SLIT3: variants seen among roughly 807,000 people sequenced by gnomAD.
The protein encoded by SLIT3 is slit homolog 3 protein.
Under a neutral mutation model 184.0 loss-of-function variants are expected in SLIT3, and 68 were observed. The observed-to-expected ratio is 0.37, with a 90% confidence interval of 0.30 to 0.45. The LOEUF (loss-of-function observed/expected upper bound fraction) is 0.45. SLIT3 is among the 20% of genes least tolerant of loss of function. SLIT3 has a pLI of 1.00. For missense variants in SLIT3, 1,707 were observed against 2,026.0 expected (o/e 0.84, Z 3.02); for synonymous variants, 831 against 828.6 (o/e 1.00, Z -0.05).
chr5:168,837,885 G>T lies in SLIT3; in HGVS notation c.557+6699C>A, dbSNP rs111794614. ...AAGGAAATGAACTCCAAACCACCTA[G>T]TCTGGTAAAGATGAGCTGGAAGCTG... On this transcript the variant is annotated intron_variant, in intron 6 of 35. Coordinates refer to ENST00000519560, the MANE Select transcript of SLIT3 (RefSeq NM_003062.4). 1.5e-3 allele frequency among the ~76,000 whole-genome samples: 225 copies of T among 152,328 alleles called. 4 individuals carry two copies. The highest frequency in any genetic ancestry group is 5.1e-3 in the African/African-American group (214 of 41,564).
chr5:169,229,642 T>TTCTCTCTCTCTCTCTCTC (rs60056409), intron 3 of SLIT3, among the ~76,000 whole-genome samples: 9 of 148,224 alleles, frequency 6.1e-5, no homozygotes, highest in Admixed American at 1.3e-4. Context: ...AAATAAATTC[T>TTCTCTCTCTCTCTCTCTC]TCTCTCTCTC....
At chr5:169,108,259 T>C (rs530830407) in intron 4 of SLIT3, among the ~76,000 whole-genome samples, 1 of 152,328 alleles carries the variant, frequency 6.6e-6, no homozygotes, top group South Asian at 2.1e-4. Flanking sequence ...GAGAAGAGTC[T>C]TCAGGGTCAA....
chr5:169,198,516 G>A, intron 3 of SLIT3, among the ~76,000 whole-genome samples: 1 of 152,188 alleles, frequency 6.6e-6, no homozygotes, highest in East Asian at 1.9e-4. Flanking sequence ...CAACTAGGCA[G>A]CAGTCATACC....
intron 4 of SLIT3, among the ~76,000 whole-genome samples, chr5:168,925,424 C>A (rs916539716): frequency 6.6e-6 from 1 of 152,156 alleles, no homozygotes; most frequent in African/African-American, 2.4e-5. Flanking sequence ...AGCTCCAGAG[C>A]GACACCATGA....
intron 4 of SLIT3, among the ~76,000 whole-genome samples, chr5:168,965,186 G>A (rs1245910593): frequency 6.6e-6 from 1 of 152,278 alleles, no homozygotes; most frequent in Middle Eastern, 3.4e-3. Context: ...TTAGGGTACT[G>A]TACTATGAAA....
intron 4 of SLIT3, among the ~76,000 whole-genome samples, chr5:169,062,229 T>C (rs1309693295): frequency 2.0e-5 from 3 of 152,092 alleles, no homozygotes; most frequent in African/African-American, 7.2e-5. Context: ...ATTTATACCA[T>C]CCCAGAAAGA....
chr5:168,873,950 C>T (rs1321063183), intron 5 of SLIT3, among the ~76,000 whole-genome samples: 2 of 152,142 alleles, frequency 1.3e-5, no homozygotes, highest in African/African-American at 4.8e-5. Context: ...CCTCCTAAGT[C>T]CCTTACATTT....
intron 4 of SLIT3, among the ~76,000 whole-genome samples, chr5:168,992,673 C>T (rs1046389839): frequency 1.1e-4 from 16 of 152,118 alleles, no homozygotes; most frequent in Non-Finnish European, 1.5e-4. Flanking sequence ...CCATTTCCAG[C>T]GGCCATCTGT....
Position 169,251,423 on chromosome 5 carries a change from C to G in SLIT3, c.234G>C (p.Lys78Asn). Residue 78 changes from lysine to asparagine, a missense_variant, in exon 2 of 36, where the codon AAG becomes AAC. Transcript: ENST00000519560. ...LDRNNITRIT[K>N]MDFAGLKNLR... ...GGTTCTTGAGCCCAGCGAAGTCCAT[C>G]TTGGTGATCCTGGTGATATTATTTC... 1.2e-6 allele frequency: 2 copies of G among 1,613,672 alleles called. No individual in the cohort carries two copies. The highest frequency in any genetic ancestry group is 1.7e-6 in the Non-Finnish European group (2 of 1,179,622).
At chr5:168,742,972 A>G (rs1763681543) in intron 20 of SLIT3, among the ~76,000 whole-genome samples, 1 of 152,126 alleles carries the variant, frequency 6.6e-6, no homozygotes, top group Non-Finnish European at 1.5e-5. Flanking sequence ...ACTAAAAAAA[A>G]AATACAAAAA....
chr5:169,023,204 C>A (rs1018730569), intron 4 of SLIT3, among the ~76,000 whole-genome samples: 3 of 152,152 alleles, frequency 2.0e-5, no homozygotes, highest in African/African-American at 7.2e-5. Flanking sequence ...TGCCAACACA[C>A]TGAAGATCCT....
intron 7 of SLIT3, among the ~76,000 whole-genome samples, chr5:168,819,909 G>C (rs565635578): frequency 1.3e-5 from 2 of 152,248 alleles, no homozygotes; most frequent in East Asian, 3.9e-4. Flanking sequence ...GGAGCCATCA[G>C]AGGGCTCTCG....
chr5:168,903,509 C>T (rs1423011349), intron 4 of SLIT3, among the ~76,000 whole-genome samples: 1 of 152,214 alleles, frequency 6.6e-6, no homozygotes, highest in Non-Finnish European at 1.5e-5. Flanking sequence ...GCCAAGGTCA[C>T]AGTAAGCCAG....
chr5:168,743,976 T>G (rs1429714379), intron 20 of SLIT3, among the ~76,000 whole-genome samples: 1 of 152,054 alleles, frequency 6.6e-6, no homozygotes, highest in African/African-American at 2.4e-5. Flanking sequence ...AAGCTAGCAA[T>G]AGTTGGTTCA....
intron 3 of SLIT3, among the ~76,000 whole-genome samples, chr5:169,216,885 G>A (rs1764452508): frequency 6.6e-6 from 1 of 152,168 alleles, no homozygotes; most frequent in Admixed American, 6.5e-5. Flanking sequence ...TATTGCTACG[G>A]GGAGATGCGT....
intron 3 of SLIT3, among the ~76,000 whole-genome samples, chr5:169,221,517 G>A (rs1764618618): frequency 6.6e-6 from 1 of 152,184 alleles, no homozygotes; most frequent in Non-Finnish European, 1.5e-5. Context: ...GACAATGTTA[G>A]TCTACTCAGT....
intron 32 of SLIT3, among the ~76,000 whole-genome samples, chr5:168,675,829 C>A (rs1349755248): frequency 6.6e-6 from 1 of 152,198 alleles, no homozygotes; most frequent in East Asian, 1.9e-4. Context: ...TAGTGCTGAT[C>A]CCTGGGAGAA....
At chr5:168,845,119 G>A (rs1758412612) in intron 5 of SLIT3, among the ~76,000 whole-genome samples, 1 of 151,978 alleles carries the variant, frequency 6.6e-6, no homozygotes, top group African/African-American at 2.4e-5. Context: ...GCAGTCTTCT[G>A]CTCTGACACA....
chr5:168,961,907 G>C (rs1763025477), intron 4 of SLIT3, among the ~76,000 whole-genome samples: 1 of 151,588 alleles, frequency 6.6e-6, no homozygotes, highest in Non-Finnish European at 1.5e-5. Context: ...ACAGAGAATT[G>C]GTCAAAGCTG....
Sources: gnomAD v4.1 joint callset for allele counts (sites outside exome capture counted in the v4.1 genomes callset) on GRCh38, gnomAD v4.1.1 for gene constraint, MANE v1.5 for transcripts, NCBI Gene and HGNC (gene_info 2026-07-23, HGNC 2026-07-21) for gene names.